Variants in TNFRSF10B observed in about 807,000 individuals in gnomAD.
TNFRSF10B encodes tumor necrosis factor receptor superfamily member 10B.
A neutral mutation model predicts 41.4 loss-of-function variants in TNFRSF10B; 35 were observed. The observed-to-expected ratio is 0.85, with a 90% CI of 0.65 to 1.12. The LOEUF is 1.12. TNFRSF10B is among the 50% of genes most tolerant of loss of function. The pLI is 0.00. For synonymous variants in TNFRSF10B, 230 were observed against 215.5 expected (o/e 1.07, Z -0.59); for missense variants, 584 against 552.7 (o/e 1.06, Z -0.57).
At chr8:23,032,739 C>T (rs1468470919) in intron 2 of TNFRSF10B, among the ~76,000 whole-genome samples, 1 of 151,854 alleles carries the variant, frequency 6.6e-6, no homozygotes, top group Non-Finnish European at 1.5e-5. Context: ...AAGAACAATC[C>T]AAAAAGGAAA....
Position 23,027,723 on chromosome 8 carries a change from C to T in TNFRSF10B, c.779G>A (p.Arg260Lys), listed in dbSNP as rs1811750298. The T allele has an allele frequency of 6.2e-7, 1 of 1,614,104 alleles. No individual in the cohort carries two copies. Among genetic ancestry groups the T allele is most frequent in the Admixed American group, 1.7e-5 (1 of 60,012 alleles). The change falls in exon 6 of 9, where the codon AGA becomes AAA. Residue 260 changes from arginine to lysine, a missense_variant and splice_region_variant. Arg to Lys is a conservative substitution (Grantham distance 26, BLOSUM62 2). Transcript: ENST00000276431. ...GGGGDPERVD[R>K]SSQRPGAEDN... ...CAGCTCCTGGAGAAATCAACTCACT[C>T]TGTCCACACGCTCAGGGTCCCCACC... is the stretch of plus-strand genomic sequence containing the variant.
intron 1 of TNFRSF10B, among the ~76,000 whole-genome samples, chr8:23,053,467 TG>T (rs1385391008): frequency 7.4e-5 from 11 of 147,738 alleles, no homozygotes; most frequent in African/African-American, 2.7e-4. Context: ...GTTAAAGGAT[TG>T]TTTTAAGTTG....
chr8:23,040,172 C>A (rs772410544), intron 2 of TNFRSF10B, among the ~76,000 whole-genome samples: 1 of 146,636 alleles, frequency 6.8e-6, no homozygotes, highest in Non-Finnish European at 1.5e-5. Flanking sequence ...CAGAGCAGAC[C>A]CTGTCTCAAA....
chr8:23,023,085 C>T (rs557510255), intron 8 of TNFRSF10B, 101 bp from the exon 9 acceptor site: 1 of 1,464,902 alleles, frequency 6.8e-7, no homozygotes, highest in East Asian at 2.4e-5. Context: ...ACCTGGAGAG[C>T]CCCGTGTGCG....
chr8:23,038,120 G>A (rs1424805802), intron 2 of TNFRSF10B, among the ~76,000 whole-genome samples: 2 of 152,218 alleles, frequency 1.3e-5, no homozygotes, highest in Non-Finnish European at 2.9e-5. Context: ...GGAAATTGAA[G>A]GGAAAATTGG....
At chr8:23,023,620 C>A (rs1481836301) in intron 8 of TNFRSF10B, among the ~76,000 whole-genome samples, 1 of 152,152 alleles carries the variant, frequency 6.6e-6, no homozygotes, top group Non-Finnish European at 1.5e-5. Flanking sequence ...GGGTCAGGAA[C>A]ACGAGGCTAT....
chr8:23,043,265 G>C, intron 1 of TNFRSF10B, 22 bp from the exon 2 acceptor site: 1 of 1,603,080 alleles, frequency 6.2e-7, no homozygotes, highest in Non-Finnish European at 8.5e-7. Context: ...AAGCAGGGAT[G>C]GGCATGAGTG....
At position 23,068,869 on chromosome 8, in the gene TNFRSF10B, G is replaced by A; in HGVS notation, c.26C>T (p.Pro9Leu). The A allele has an allele frequency of 6.2e-7, 1 of 1,613,472 alleles. No individual in the cohort carries two copies. Residue 9 changes from proline (P) to leucine (L), a missense_variant, in exon 1 of 9, where the codon CCG becomes CTG. Pro to Leu is a moderately conservative substitution (Grantham distance 98). Coordinates refer to ENST00000276431, the MANE Select transcript of TNFRSF10B (RefSeq NM_003842.5). MEQRGQNA[P>L]AASGARKRHG... ...CCTTTTCCGGGCCCCCGAAGCGGCC[G>A]GGGCGTTCTGTCCCCGTTGTTCCAT...
Position 23,029,624 on chromosome 8 carries a change from C to T in TNFRSF10B, c.462G>A (p.Arg154=). The change falls in exon 4 of 9, where the codon CGG becomes CGA. Residue 154 remains arginine, a synonymous_variant. Coordinates refer to ENST00000276431, the MANE Select transcript of TNFRSF10B (RefSeq NM_003842.5). ...TCCTGTCTCACCCTGTGCGGCACTT[C>T]CGGCACATCTCAGGAGAATCTTCTT... ...FREEDSPEMC[R]KCRTGCPRGM... is the part of the protein sequence containing the mutation. The T allele has an allele frequency of 5.0e-6, 8 of 1,611,634 alleles. No homozygotes were observed. The South Asian group carries it at 7.7e-5, about 16-fold the overall frequency.
chr8:23,021,809 C>T lies in TNFRSF10B; in HGVS notation c.*862G>A, dbSNP rs1252772925. 2.2e-6 allele frequency: 1 copy of T among 453,984 alleles called. No homozygotes were observed. The highest frequency in any genetic ancestry group is 6.9e-5 in the East Asian group (1 of 14,406). 28.1% of individuals were successfully genotyped at this position (453,984 alleles called of 1,614,324 possible). A position where few individuals can be genotyped will look rare whatever the true frequency, so the allele number is the denominator to read the frequency against. The stretch of plus-strand genomic sequence containing the variant: ...AGTACATCTGAGGGAGGGCTGGAAC[C>T]CAGACAGTGACATCTTACAGGGGAC... On this transcript the variant is annotated 3_prime_UTR_variant, in exon 9 of 9. Coordinates refer to ENST00000276431, the MANE Select transcript of TNFRSF10B (RefSeq NM_003842.5).
chr8:23,045,732 A>G (rs1585218782), intron 1 of TNFRSF10B, among the ~76,000 whole-genome samples: 1 of 152,246 alleles, frequency 6.6e-6, no homozygotes, highest in East Asian at 1.9e-4. Flanking sequence ...TAAAAGAATC[A>G]TTGACCATGA....
chr8:23,065,078 A>G (rs1022031406), intron 1 of TNFRSF10B, among the ~76,000 whole-genome samples: 6 of 152,148 alleles, frequency 3.9e-5, no homozygotes, highest in African/African-American at 1.4e-4. Flanking sequence ...CCTGATAGTT[A>G]TTTAGGTCCC....
chr8:23,029,962 A>G (rs1403520110), intron 3 of TNFRSF10B, among the ~76,000 whole-genome samples: 3 of 152,226 alleles, frequency 2.0e-5, no homozygotes, highest in Admixed American at 6.5e-5. Flanking sequence ...ATTAGGGGAA[A>G]GCACCGTTTA....
intron 1 of TNFRSF10B, among the ~76,000 whole-genome samples, chr8:23,047,324 T>C (rs1585219709): frequency 7.5e-6 from 1 of 132,732 alleles, no homozygotes. Flanking sequence ...GCCATTACAC[T>C]CCAGCCTAGG....
Position 23,022,444 on chromosome 8 carries a change from A to G in TNFRSF10B, c.*227T>C, listed in dbSNP as rs1371365185. 3.0e-6 allele frequency: 2 copies of G among 665,358 alleles called. No homozygotes were observed. Among genetic ancestry groups the G allele is most frequent in the African/African-American group, 1.8e-5 (1 of 56,474 alleles). The allele number at this position is 665,358 out of a possible 1,614,324, so 41.2% of individuals were successfully genotyped here. ...AGTACGCACAAACGGAATGATCCAG[A>G]CATTTCCATAGTGTCCTTATTATCA... On this transcript the variant is annotated 3_prime_UTR_variant, in exon 9 of 9. Coordinates refer to ENST00000276431, the MANE Select transcript of TNFRSF10B (RefSeq NM_003842.5).
chr8:23,067,205 T>C lies in TNFRSF10B; in HGVS notation c.144+1546A>G, dbSNP rs368193563. Among the ~76,000 whole-genome samples, 31 of 152,190 alleles carry C rather than the reference T, an allele frequency of 2.0e-4. No homozygotes were observed. The East Asian group carries it at 2.3e-3, about 11-fold the overall frequency. ...GTTGGTCAGGCTGGTCTCGAATCCC[T>C]GACCTCATGTGATCTGCCCGCCTCG... On this transcript the variant is annotated intron_variant, in intron 1 of 8. Transcript: ENST00000276431.
rs781307433 is a variant in TNFRSF10B at position 23,043,204 on chromosome 8, C to T, written c.184G>A (p.Ala62Thr). 6.2e-6 allele frequency: 10 copies of T among 1,613,968 alleles called. No individual in the cohort carries two copies. In the Admixed American group the frequency reaches 1.5e-4, roughly 24 times the overall value. ...TGTGGGGCCGCTCTCTGCTGGGGAG[C>T]TAGGTCTTGTTGGGTGATCAGAGCA... Reference protein sequence around the residue: ...ESALITQQDLAPQQRAAPQQK... With the variant: ...ESALITQQDLTPQQRAAPQQK... Residue 62 changes from alanine to threonine, a missense_variant, in exon 2 of 9, where the codon GCT (alanine) becomes ACT (threonine). Ala to Thr is a moderately conservative substitution (Grantham distance 58). Transcript: ENST00000276431.
intron 1 of TNFRSF10B, among the ~76,000 whole-genome samples, chr8:23,044,981 C>T (rs546721291): frequency 2.2e-4 from 32 of 148,232 alleles, no homozygotes; most frequent in African/African-American, 6.7e-4. Context: ...TTTGGGAGGC[C>T]GAGACGGATG....
intron 7 of TNFRSF10B, among the ~76,000 whole-genome samples, chr8:23,026,373 A>T (rs1811701741): frequency 1.3e-5 from 2 of 152,168 alleles, no homozygotes; most frequent in Admixed American, 1.3e-4. Flanking sequence ...AAGGCAAGGG[A>T]AAAAGGAAGA....
Sources: allele counts gnomAD v4.1 joint callset (sites outside exome capture counted in the v4.1 genomes callset), GRCh38; gene constraint gnomAD v4.1.1; transcripts MANE v1.5; gene names NCBI Gene and HGNC (gene_info 2026-07-23, HGNC 2026-07-21).